DDX10: variants seen among roughly 807,000 people sequenced by gnomAD.
The protein encoded by DDX10 is probable ATP-dependent RNA helicase DDX10.
In DDX10, 74 loss-of-function variants were observed where a neutral mutation model predicts 104.3. The observed-to-expected ratio is 0.71, with a 90% CI of 0.59 to 0.86. DDX10 has a LOEUF of 0.86. DDX10 is among the 40% of genes least tolerant of loss of function. The probability of loss-of-function intolerance (pLI) is 0.00; values close to 1 mark genes in which losing one functional copy is unlikely to be tolerated. For synonymous variants in DDX10, 351 were observed against 353.4 expected (o/e 0.99, Z 0.08); for missense variants, 952 against 1,040.0 (o/e 0.92, Z 1.16).
intron 2 of DDX10, among the ~76,000 whole-genome samples, chr11:108,674,958 A>G (rs988807103): frequency 2.0e-5 from 3 of 152,106 alleles, no homozygotes; most frequent in African/African-American, 7.2e-5. Context: ...TAGATTCTAC[A>G]TATAAGTGAG....
chr11:108,693,945 G>A (rs2094256270), intron 9 of DDX10, among the ~76,000 whole-genome samples: 1 of 152,134 alleles, frequency 6.6e-6, no homozygotes. Flanking sequence ...AGGTCCCAGT[G>A]GATGCCTGAA....
intron 13 of DDX10, among the ~76,000 whole-genome samples, chr11:108,818,689 T>C (rs1051069770): frequency 6.6e-6 from 1 of 152,208 alleles, no homozygotes; most frequent in Non-Finnish European, 1.5e-5. Flanking sequence ...ACCAAAGTGC[T>C]TGGAGAAGAA....
chr11:108,764,024 C>T (rs1168750228), intron 13 of DDX10, among the ~76,000 whole-genome samples: 1 of 151,960 alleles, frequency 6.6e-6, no homozygotes, highest in Non-Finnish European at 1.5e-5. Context: ...AGAAATAGGC[C>T]ATTTGTTTTT....
chr11:108,754,670 T>C (rs1388903106), intron 13 of DDX10, among the ~76,000 whole-genome samples: 1 of 151,942 alleles, frequency 6.6e-6, no homozygotes, highest in African/African-American at 2.4e-5. Context: ...AGAGGAAGAA[T>C]GGTAATTCAA....
intron 16 of DDX10, among the ~76,000 whole-genome samples, chr11:108,887,252 A>G (rs552287483): frequency 1.3e-5 from 2 of 152,234 alleles, no homozygotes; most frequent in South Asian, 2.1e-4. Context: ...CCTTTATCCA[A>G]TGTGATAGTC....
intron 15 of DDX10, 37 bp from the exon 16 acceptor site, chr11:108,852,116 A>G (rs1221263362): frequency 6.5e-7 from 1 of 1,528,458 alleles, no homozygotes; most frequent in Non-Finnish European, 9.0e-7. Context: ...ATACCTAATT[A>G]TATGCTGCTA....
At chr11:108,840,940 A>G (rs1473436770) in intron 14 of DDX10, among the ~76,000 whole-genome samples, 2 of 152,210 alleles carry the variant, frequency 1.3e-5, no homozygotes, top group East Asian at 1.9e-4. Flanking sequence ...CAAAGGAGGT[A>G]CAGCCTGTGT....
intron 12 of DDX10, among the ~76,000 whole-genome samples, chr11:108,721,246 G>A (rs2094298002): frequency 6.6e-6 from 1 of 151,682 alleles, no homozygotes; most frequent in Non-Finnish European, 1.5e-5. Flanking sequence ...CTTTTAAATT[G>A]CTTTATAGCA....
chr11:108,883,332 A>G (rs1236900296), intron 16 of DDX10, among the ~76,000 whole-genome samples: 2 of 152,154 alleles, frequency 1.3e-5, no homozygotes, highest in African/African-American at 2.4e-5. Context: ...TTTTTGTTAT[A>G]TCATATTCTT....
chr11:108,887,127 T>G (rs1444620526), intron 16 of DDX10, among the ~76,000 whole-genome samples: 3 of 152,162 alleles, frequency 2.0e-5, no homozygotes, highest in Admixed American at 2.0e-4. Context: ...CAAATTAGAA[T>G]ATTTTTAATA....
chr11:108,859,960 A>G lies in DDX10; in HGVS notation c.2304+7751A>G, dbSNP rs564638241. Among the ~76,000 whole-genome samples, 3 of 152,314 alleles carry G rather than the reference A, an allele frequency of 2.0e-5. No individual in the cohort carries two copies. In the East Asian group the frequency reaches 5.8e-4, roughly 29 times the overall value. On this transcript the variant is annotated intron_variant, in intron 16 of 17. Coordinates refer to ENST00000322536, the MANE Select transcript of DDX10 (RefSeq NM_004398.4). ...GCTGTTGTAAGATTATACCATCATAATTTCTGATATAGTATACAAAAGTCT... is the reference window on the plus strand; with the variant it reads ...GCTGTTGTAAGATTATACCATCATAGTTTCTGATATAGTATACAAAAGTCT...
intron 6 of DDX10, among the ~76,000 whole-genome samples, chr11:108,685,455 C>T (rs1011199898): frequency 1.1e-4 from 17 of 151,870 alleles, no homozygotes; most frequent in African/African-American, 3.4e-4. Flanking sequence ...GAGATGAACC[C>T]GGTACCTCAG....
In DDX10 at chr11:108,665,131, G is replaced by C; in HGVS notation, c.-23G>C. 1 of 1,595,148 alleles carries C rather than the reference G, an allele frequency of 6.3e-7. No homozygotes were observed. Among genetic ancestry groups the C allele is most frequent in the South Asian group, 1.1e-5 (1 of 87,988 alleles). The stretch of plus-strand genomic sequence containing the variant: ...GGTGTCTCGTGTCTGGGGTTGATCC[G>C]AGCTGTCGCCGCCGCCGCCGCAATG... On this transcript the variant is annotated 5_prime_UTR_variant, in exon 1 of 18. Transcript: ENST00000322536.
intron 13 of DDX10, among the ~76,000 whole-genome samples, chr11:108,817,598 A>C (rs972664513): frequency 6.6e-6 from 1 of 152,212 alleles, no homozygotes; most frequent in African/African-American, 2.4e-5. Context: ...TGCAAACTCT[A>C]CTGTACCCCA....
intron 16 of DDX10, among the ~76,000 whole-genome samples, chr11:108,856,323 C>G (rs557339506): frequency 6.6e-6 from 1 of 152,000 alleles, no homozygotes; most frequent in Non-Finnish European, 1.5e-5. Context: ...CCAGCATACT[C>G]GGGAGGGTGA....
chr11:108,860,216 A>G (rs757191804), intron 16 of DDX10, among the ~76,000 whole-genome samples: 7 of 152,238 alleles, frequency 4.6e-5, no homozygotes, highest in Non-Finnish European at 8.8e-5. Context: ...TGAATAAGTT[A>G]TCTATACCAT....
chr11:108,727,874 C>A, intron 13 of DDX10: 1 of 194,706 alleles, frequency 5.1e-6, no homozygotes, highest in South Asian at 9.0e-5. Flanking sequence ...GTGAAGAGAT[C>A]ATCAACTATT....
At chr11:108,816,097 A>G (rs1591825759) in intron 13 of DDX10, among the ~76,000 whole-genome samples, 1 of 151,586 alleles carries the variant, frequency 6.6e-6, no homozygotes, top group Non-Finnish European at 1.5e-5. Flanking sequence ...GGCATGCCAT[A>G]CTATTCCTGG....
intron 13 of DDX10, among the ~76,000 whole-genome samples, chr11:108,797,275 G>A (rs543695279): frequency 9.9e-5 from 15 of 152,156 alleles, no homozygotes; most frequent in Middle Eastern, 3.4e-3. Flanking sequence ...CTCATGATCC[G>A]TCTGCCTCGG....
Sources: allele counts gnomAD v4.1 joint callset (sites outside exome capture counted in the v4.1 genomes callset), GRCh38; gene constraint gnomAD v4.1.1; transcripts MANE v1.5; gene names NCBI Gene and HGNC (gene_info 2026-07-23, HGNC 2026-07-21).